NUBPL: variants seen among roughly 807,000 people sequenced by gnomAD.
NUBPL encodes the protein NUBP iron-sulfur cluster assembly factor, mitochondrial, also known as iron-sulfur cluster transfer protein NUBPL.
In NUBPL, 31 loss-of-function variants were observed where a neutral mutation model predicts 45.7. The observed-to-expected ratio is 0.68, with a 90% CI of 0.51 to 0.92. The LOEUF is 0.92. Ranked by LOEUF, NUBPL falls within the 40% of genes least tolerant of loss-of-function variation. The pLI, the probability that NUBPL is intolerant of heterozygous loss-of-function variation, is 0.00. For synonymous variants in NUBPL, 144 were observed against 140.9 expected, an observed-to-expected ratio of 1.02 and a Z score of -0.15; for missense variants, 401 against 398.7, an observed-to-expected ratio of 1.01 and a Z score of -0.05.
chr14:31,837,429 G>A (rs1489996130), intron 8 of NUBPL, among the ~76,000 whole-genome samples: 7 of 152,146 alleles, frequency 4.6e-5, no homozygotes, highest in African/African-American at 7.2e-5. Context: ...TACCAAAATA[G>A]CTTCTACAGT....
intron 8 of NUBPL, among the ~76,000 whole-genome samples, chr14:31,841,917 C>CTTTTGTTTTTTTTTTTGTTTTTTTT: frequency 2.3e-5 from 1 of 43,036 alleles, no homozygotes; most frequent in Non-Finnish European, 4.3e-5. Flanking sequence ...CGATTCTGGG[C>CTTTTGTTTTTTTTTTTGTTTTTTTT]TTTTTTTTTT....
intron 4 of NUBPL, among the ~76,000 whole-genome samples, chr14:31,638,964 G>T (rs1178667951): frequency 6.6e-6 from 1 of 151,992 alleles, no homozygotes; most frequent in Non-Finnish European, 1.5e-5. Context: ...CTCTCTATTG[G>T]TTATTCTAGT....
At chr14:31,645,346 G>A (rs544288480) in intron 4 of NUBPL, among the ~76,000 whole-genome samples, 4 of 152,156 alleles carry the variant, frequency 2.6e-5, no homozygotes, top group African/African-American at 7.2e-5. Flanking sequence ...GATTACAGGC[G>A]TGAGCCACTG....
At chr14:31,576,631 A>G (rs947599260) in intron 3 of NUBPL, among the ~76,000 whole-genome samples, 2 of 152,158 alleles carry the variant, frequency 1.3e-5, no homozygotes, top group Non-Finnish European at 2.9e-5. Context: ...CAGGCTCTCT[A>G]TATGGCTTGA....
At chr14:31,857,886 A>G (rs932093712) in intron 10 of NUBPL, among the ~76,000 whole-genome samples, 2 of 152,056 alleles carry the variant, frequency 1.3e-5, no homozygotes, top group African/African-American at 4.8e-5. Context: ...AACTGTTCCA[A>G]CTGCTGCCTG....
chr14:31,792,845 T>C (rs1175053984), intron 7 of NUBPL, among the ~76,000 whole-genome samples: 2 of 152,122 alleles, frequency 1.3e-5, no homozygotes, highest in Non-Finnish European at 2.9e-5. Flanking sequence ...ATTTCACAGA[T>C]AGCATATCTA....
chr14:31,565,271 G>A (rs927740854), intron 3 of NUBPL, among the ~76,000 whole-genome samples: 5 of 151,978 alleles, frequency 3.3e-5, no homozygotes, highest in Admixed American at 6.6e-5. Flanking sequence ...TCCCACAAGA[G>A]GCTTTGATGT....
chr14:31,806,044 A>G (rs968514202), intron 7 of NUBPL, among the ~76,000 whole-genome samples: 4 of 152,220 alleles, frequency 2.6e-5, no homozygotes, highest in Non-Finnish European at 5.9e-5. Flanking sequence ...TTTTAAATTC[A>G]TTAAACATTT....
chr14:31,575,181 T>C (rs1482031485), intron 3 of NUBPL, among the ~76,000 whole-genome samples: 1 of 152,344 alleles, frequency 6.6e-6, no homozygotes, highest in East Asian at 1.9e-4. Context: ...TTTAGCCCTT[T>C]GAAGTTCTGT....
At position 31,833,221 on chromosome 14, in the gene NUBPL, T is replaced by A. The variant is rs535883802; in HGVS notation, c.693+6507T>A. Among the ~76,000 whole-genome samples, 76 of 152,056 alleles carry A rather than the reference T, an allele frequency of 5.0e-4. 1 individual carries two copies. The highest frequency in any genetic ancestry group is 3.1e-3 in the South Asian group (15 of 4,810). ...CTGTCTCTTTAAAAGAATAAAAAAT[T>A]AGCCAAGTATGGTGGCATGCAACTG... On this transcript the variant is annotated intron_variant, in intron 8 of 10. Coordinates refer to ENST00000281081, the MANE Select transcript of NUBPL (RefSeq NM_025152.3).
At chr14:31,787,139 A>G (rs575964400) in intron 6 of NUBPL, among the ~76,000 whole-genome samples, 51 of 152,286 alleles carry the variant, frequency 3.3e-4, no homozygotes, top group Non-Finnish European at 6.3e-4. Context: ...CCATTAATAG[A>G]GACTAGGGAC....
chr14:31,836,810 A>G (rs2040288512), intron 8 of NUBPL, among the ~76,000 whole-genome samples: 1 of 152,180 alleles, frequency 6.6e-6, no homozygotes, highest in South Asian at 2.1e-4. Context: ...TTAATAAATC[A>G]AAGATAGAAT....
intron 6 of NUBPL, among the ~76,000 whole-genome samples, chr14:31,681,672 G>A (rs1328282178): frequency 1.3e-5 from 2 of 151,856 alleles, no homozygotes; most frequent in Non-Finnish European, 2.9e-5. Context: ...AATACAAGCA[G>A]TTAAGGCTAT....
At chr14:31,700,676 G>T (rs1348232755) in intron 6 of NUBPL, among the ~76,000 whole-genome samples, 2 of 152,200 alleles carry the variant, frequency 1.3e-5, no homozygotes, top group African/African-American at 4.8e-5. Flanking sequence ...GCAGTGAGGG[G>T]CTTAGCACCT....
intron 10 of NUBPL, among the ~76,000 whole-genome samples, chr14:31,856,014 A>G (rs2040611962): frequency 6.6e-6 from 1 of 152,230 alleles, no homozygotes; most frequent in Admixed American, 6.5e-5. Flanking sequence ...TTAGTTGTAT[A>G]TAAATATATA....
chr14:31,745,727 A>G (rs2038384956), intron 6 of NUBPL, among the ~76,000 whole-genome samples: 1 of 151,948 alleles, frequency 6.6e-6, no homozygotes, highest in Admixed American at 6.6e-5. Context: ...GCTTATGTAC[A>G]AGGCATTTGA....
chr14:31,848,052 T>G (rs1414363988), intron 9 of NUBPL, among the ~76,000 whole-genome samples: 1 of 152,234 alleles, frequency 6.6e-6, no homozygotes, highest in East Asian at 1.9e-4. Flanking sequence ...ATTTAGAATT[T>G]GAAACATTTC....
Position 31,841,927 on chromosome 14 carries a change from T to TTG in NUBPL, c.694-4543_694-4542insGT, listed in dbSNP as rs2040379604. On this transcript the variant is annotated intron_variant, in intron 8 of 10. Transcript: ENST00000281081. ...TGGGTCGATTCTGGGCTTTTTTTTT[T>TTG]TTTTTTTTTTTTTTTTTTTTTGAGA... 2.6e-5 allele frequency among the ~76,000 whole-genome samples: 3 copies of TTG among 115,764 alleles called. 1 individual carries two copies. Among genetic ancestry groups the TTG allele is most frequent in the Non-Finnish European group, 5.4e-5 (3 of 56,014 alleles). The allele number at this position is 115,764 out of a possible 152,430, so 75.9% of individuals were successfully genotyped here. A position where few individuals can be genotyped will look rare whatever the true frequency, so the allele number is the denominator to read the frequency against.
At chr14:31,747,279 G>C (rs1357832168) in intron 6 of NUBPL, among the ~76,000 whole-genome samples, 1 of 151,514 alleles carries the variant, frequency 6.6e-6, no homozygotes, top group African/African-American at 2.4e-5. Flanking sequence ...GTGACTACAG[G>C]CGCCTGCCAC....
Sources: gnomAD v4.1 joint callset for allele counts (sites outside exome capture counted in the v4.1 genomes callset) on GRCh38, gnomAD v4.1.1 for gene constraint, MANE v1.5 for transcripts, NCBI Gene and HGNC (gene_info 2026-07-23, HGNC 2026-07-21) for gene names.